PIGK: variants seen among roughly 807,000 people sequenced by gnomAD.
PIGK encodes the protein GPI-anchor transamidase.
Under a neutral mutation model 50.6 loss-of-function variants are expected in PIGK, and 42 were observed. The observed-to-expected ratio is 0.83, with a 90% CI of 0.65 to 1.07. PIGK has a LOEUF of 1.07. PIGK is among the 50% of genes least tolerant of loss of function. The probability of loss-of-function intolerance (pLI) is 0.00; values close to 1 mark genes in which losing one functional copy is unlikely to be tolerated. For synonymous variants in PIGK, 151 were observed against 156.0 expected (o/e 0.97, Z 0.24); for missense variants, 448 against 488.7 (o/e 0.92, Z 0.78).
At chr1:77,146,803 A>C (rs978790981) in intron 9 of PIGK, among the ~76,000 whole-genome samples, 1 of 152,058 alleles carries the variant, frequency 6.6e-6, no homozygotes, top group African/African-American at 2.4e-5. Flanking sequence ...TCTAAAAAAA[A>C]AAAAGTAAAA....
intron 10 of PIGK, among the ~76,000 whole-genome samples, chr1:77,117,260 A>G (rs1432662408): frequency 6.6e-6 from 1 of 152,202 alleles, no homozygotes; most frequent in Non-Finnish European, 1.5e-5. Flanking sequence ...TTAATGAATC[A>G]TATCTCAAGT....
chr1:77,108,882 T>C (rs1391700258), intron 10 of PIGK, among the ~76,000 whole-genome samples: 1 of 152,212 alleles, frequency 6.6e-6, no homozygotes, highest in African/African-American at 2.4e-5. Flanking sequence ...GTTGATTGAA[T>C]TGGCTACTGA....
chr1:77,104,546 A>AG (rs1653621867), intron 10 of PIGK, among the ~76,000 whole-genome samples: 1 of 152,242 alleles, frequency 6.6e-6, no homozygotes, highest in African/African-American at 2.4e-5. Flanking sequence ...GAAAAAGGGC[A>AG]GGGAAAAAAA....
chr1:77,097,826 AT>A (rs529961160), intron 10 of PIGK, among the ~76,000 whole-genome samples: 51 of 152,182 alleles, frequency 3.4e-4, no homozygotes, highest in Non-Finnish European at 6.6e-4. Flanking sequence ...TCTTTCAAGT[AT>A]GTCAGCAAAT....
chr1:77,107,741 T>C (rs979960713), intron 10 of PIGK, among the ~76,000 whole-genome samples: 57 of 152,166 alleles, frequency 3.7e-4, no homozygotes, highest in Non-Finnish European at 6.8e-4. Flanking sequence ...TTTGTAGGTC[T>C]CTAACGACTT....
intron 4 of PIGK, 146 bp downstream of exon 4, chr1:77,169,114 T>C (rs1387707668): frequency 2.0e-6 from 1 of 492,946 alleles, no homozygotes; most frequent in Admixed American, 4.0e-5. Context: ...ATCATTGCCT[T>C]AATATGAACT....
chr1:77,211,995 C>A (rs1557433746), intron 1 of PIGK, among the ~76,000 whole-genome samples: 1 of 151,988 alleles, frequency 6.6e-6, no homozygotes, highest in African/African-American at 2.4e-5. Context: ...TTAAAAATTT[C>A]ATTCAGTATC....
chr1:77,218,476 ACT>A (rs1310645311), intron 1 of PIGK, among the ~76,000 whole-genome samples: 1 of 152,080 alleles, frequency 6.6e-6, no homozygotes, highest in African/African-American at 2.4e-5. Flanking sequence ...AGAGATTAAG[ACT>A]CTCAGGTTTC....
intron 10 of PIGK, among the ~76,000 whole-genome samples, chr1:77,107,974 T>C (rs1175324087): frequency 6.6e-6 from 1 of 152,216 alleles, no homozygotes; most frequent in Non-Finnish European, 1.5e-5. Flanking sequence ...ATTTTGAGCC[T>C]ATGTGAGTCT....
At chr1:77,126,302 G>A (rs747152771) in intron 9 of PIGK, among the ~76,000 whole-genome samples, 1 of 152,044 alleles carries the variant, frequency 6.6e-6, no homozygotes, top group Non-Finnish European at 1.5e-5. Context: ...AAAGGTGCTG[G>A]CTTCTTTTTC....
chr1:77,197,753 T>C (rs1003436653), intron 3 of PIGK, among the ~76,000 whole-genome samples: 4 of 152,206 alleles, frequency 2.6e-5, no homozygotes, highest in Non-Finnish European at 5.9e-5. Flanking sequence ...TTCTGGGGCT[T>C]ATATTCTGAA....
At chr1:77,107,435 T>C (rs753837239) in intron 10 of PIGK, among the ~76,000 whole-genome samples, 2 of 152,274 alleles carry the variant, frequency 1.3e-5, no homozygotes, top group African/African-American at 2.4e-5. Context: ...CTAGTTTGAT[T>C]GCACTGTGGT....
intron 10 of PIGK, among the ~76,000 whole-genome samples, chr1:77,121,008 A>T (rs576101252): frequency 6.6e-6 from 1 of 152,284 alleles, no homozygotes; most frequent in Admixed American, 6.5e-5. Context: ...AATATTACTG[A>T]CATTTCATCT....
At chr1:77,181,938 C>T (rs943356389) in intron 3 of PIGK, among the ~76,000 whole-genome samples, 2 of 152,208 alleles carry the variant, frequency 1.3e-5, no homozygotes, top group African/African-American at 4.8e-5. Context: ...AATAAATCTA[C>T]TAACCACAGA....
intron 6 of PIGK, 97 bp from the exon 7 acceptor site, chr1:77,161,808 TAGTC>T: frequency 1.4e-6 from 1 of 690,008 alleles, no homozygotes; most frequent in South Asian, 1.8e-5. Context: ...AATCATATCT[TAGTC>T]ATTTCATTAG....
intron 3 of PIGK, among the ~76,000 whole-genome samples, chr1:77,196,864 T>C (rs1437639767): frequency 6.6e-6 from 1 of 152,218 alleles, no homozygotes; most frequent in Non-Finnish European, 1.5e-5. Context: ...GTAATTGCTT[T>C]TGAGGACTTA....
In PIGK at chr1:77,161,615, T is replaced by C. The variant is rs1237659241; in HGVS notation, c.681A>G (p.Gln227=). 12 of 1,516,154 alleles carry C rather than the reference T, an allele frequency of 7.9e-6. No homozygotes were observed. Among genetic ancestry groups the C allele is most frequent in the Non-Finnish European group, 1.1e-5 (12 of 1,090,620 alleles). The allele number at this position is 1,516,154 out of a possible 1,614,324, so 93.9% of individuals were successfully genotyped here. A position where few individuals can be genotyped will look rare whatever the true frequency, so the allele number is the denominator to read the frequency against. The change falls in exon 7 of 11, where the codon CAA becomes CAG. Residue 227 remains glutamine (Q), a synonymous_variant. Transcript: ENST00000370812. ...ATACCGAGAGTGAATCTTCTCCCACTTGACTACTAGCTAGAGCCATTATGT... is the reference window on the plus strand; with the variant it reads ...ATACCGAGAGTGAATCTTCTCCCACCTGACTACTAGCTAGAGCCATTATGT... ...SPNIMALASS[Q]VGEDSLSHQP...
intron 10 of PIGK, among the ~76,000 whole-genome samples, chr1:77,097,666 C>T (rs963019759): frequency 3.9e-5 from 6 of 151,966 alleles, no homozygotes; most frequent in African/African-American, 1.5e-4. Context: ...AATTTCTAGC[C>T]AATCCAGACA....
chr1:77,178,692 T>C (rs1655542858), intron 3 of PIGK, among the ~76,000 whole-genome samples: 1 of 152,230 alleles, frequency 6.6e-6, no homozygotes, highest in African/African-American at 2.4e-5. Flanking sequence ...ACTCTTCATA[T>C]TGTCCTCCTG....
Sources: gnomAD v4.1 joint callset for allele counts (sites outside exome capture counted in the v4.1 genomes callset) on GRCh38, gnomAD v4.1.1 for gene constraint, MANE v1.5 for transcripts, NCBI Gene and HGNC (gene_info 2026-07-23, HGNC 2026-07-21) for gene names.